The following TMPRSS9 variants were observed in gnomAD, a reference collection of about 807,000 sequenced individuals.
TMPRSS9 encodes the protein transmembrane protease serine 9.
TMPRSS9 carries 113 observed loss-of-function variants against 111.4 expected under a neutral mutation model. The ratio of observed to expected loss-of-function variants is 1.01; its 90% CI spans 0.87 to 1.19. The LOEUF is 1.19. Among genes scored for constraint, TMPRSS9 ranks in the 50% most tolerant of loss-of-function variants. The pLI, the probability that TMPRSS9 is intolerant of heterozygous loss-of-function variation, is 0.00. For synonymous variants in TMPRSS9, 805 were observed against 659.1 expected, an observed-to-expected ratio of 1.22 and a Z score of -3.39; for missense variants, 1,803 against 1,513.1, an observed-to-expected ratio of 1.19 and a Z score of -3.18.
exon 14 of TMPRSS9, chr19:2,422,047 G>C (rs1179308129): frequency 1.2e-6 from 2 of 1,612,382 alleles, no homozygotes; most frequent in Non-Finnish European, 1.7e-6. Flanking sequence ...TCGACCACAA[G>C]GATGCTGGCC....
At chr19:2,410,359 G>C (rs202191315) in exon 9 of TMPRSS9, 1 of 1,613,880 alleles carries the variant, frequency 6.2e-7, no homozygotes, top group African/African-American at 1.3e-5. Context: ...GATGGTGTGC[G>C]CTGGCTACCT....
At chr19:2,409,297 C>T (rs998487290) in intron 8 of TMPRSS9, among the ~76,000 whole-genome samples, 11 of 151,510 alleles carry the variant, frequency 7.3e-5, no homozygotes, top group African/African-American at 2.7e-4. Context: ...CACCACCACA[C>T]CCGGCAACTT....
At chr19:2,398,732 T>C (rs1305112406) in intron 2 of TMPRSS9, 63 bp from the exon 4 acceptor site, 1 of 1,215,020 alleles carries the variant, frequency 8.2e-7, no homozygotes, top group Admixed American at 2.3e-5. Context: ...CTGACAGGCC[T>C]CTGCAGTGCC....
intron 1 of TMPRSS9, among the ~76,000 whole-genome samples, chr19:2,391,053 G>GAGGC (rs1474403299): frequency 7.8e-6 from 1 of 128,304 alleles, no homozygotes; most frequent in Non-Finnish European, 1.6e-5. Context: ...GGGAGGGAGG[G>GAGGC]AGGCAGGCAG....
intron 1 of TMPRSS9, among the ~76,000 whole-genome samples, chr19:2,361,849 G>A (rs1461688693): frequency 6.6e-6 from 1 of 152,024 alleles, no homozygotes; most frequent in Non-Finnish European, 1.5e-5. Flanking sequence ...AACACCTTGT[G>A]GGCCGCGTGG....
chr19:2,411,782 C>G (rs1235270556), intron 9 of TMPRSS9, among the ~76,000 whole-genome samples: 1 of 152,114 alleles, frequency 6.6e-6, no homozygotes, highest in Non-Finnish European at 1.5e-5. Flanking sequence ...GAAATCCTGG[C>G]TTCAGGTGAT....
At chr19:2,411,432 C>G (rs991432243) in intron 9 of TMPRSS9, among the ~76,000 whole-genome samples, 2 of 129,614 alleles carry the variant, frequency 1.5e-5, no homozygotes, top group African/African-American at 3.0e-5. Context: ...GAGTCTCACT[C>G]TGTCACCCAG....
intron 1 of TMPRSS9, among the ~76,000 whole-genome samples, chr19:2,363,803 T>TGCGC (rs202104945): frequency 1.7e-5 from 2 of 116,572 alleles, no homozygotes; most frequent in East Asian, 3.1e-4. Context: ...TGTGTGTGTG[T>TGCGC]GCGTGCGCGC....
chr19:2,416,311 AG>A, intron 11 of TMPRSS9: 1 of 582,166 alleles, frequency 1.7e-6, no homozygotes, highest in Non-Finnish European at 3.0e-6. Context: ...ATGAAGCCTG[AG>A]GGTCCCCTGA....
intron 1 of TMPRSS9, among the ~76,000 whole-genome samples, chr19:2,380,019 T>C (rs989477710): frequency 6.6e-6 from 1 of 152,094 alleles, no homozygotes; most frequent in Non-Finnish European, 1.5e-5. Context: ...CCCATGGTGC[T>C]GGGATTACAG....
intron 1 of TMPRSS9, among the ~76,000 whole-genome samples, chr19:2,381,880 T>A (rs1013767485): frequency 5.3e-5 from 8 of 152,224 alleles, no homozygotes; most frequent in Non-Finnish European, 1.2e-4. Flanking sequence ...TCTCGCTCTG[T>A]CGCCCAGGCT....
intron 5 of TMPRSS9, 90 bp from the exon 7 acceptor site, chr19:2,402,992 T>G (rs1970884060): frequency 4.5e-6 from 4 of 893,238 alleles, no homozygotes; most frequent in East Asian, 2.6e-5. Context: ...CACATTTCCG[T>G]ACCCTGGTGG....
chr19:2,395,702 C>T (rs1250737510), intron 1 of TMPRSS9, among the ~76,000 whole-genome samples: 1 of 150,896 alleles, frequency 6.6e-6, no homozygotes, highest in Non-Finnish European at 1.5e-5. Flanking sequence ...GCAACAAGAG[C>T]AAAACTCTGT....
intron 4 of TMPRSS9, among the ~76,000 whole-genome samples, chr19:2,401,421 C>T (rs1015771517): frequency 2.0e-5 from 3 of 152,102 alleles, no homozygotes; most frequent in Non-Finnish European, 4.4e-5. Flanking sequence ...AGGCCTTGTG[C>T]AGTTTGGTGG....
intron 13 of TMPRSS9, among the ~76,000 whole-genome samples, chr19:2,419,352 C>T (rs549601869): frequency 6.3e-5 from 9 of 143,430 alleles, no homozygotes; most frequent in South Asian, 2.2e-4. Context: ...TATAGGCGCC[C>T]GCCACCATGC....
At chr19:2,367,319 T>C (rs1330214730) in intron 1 of TMPRSS9, among the ~76,000 whole-genome samples, 1 of 152,288 alleles carries the variant, frequency 6.6e-6, no homozygotes, top group Admixed American at 6.5e-5. Flanking sequence ...ACCAGTCTCA[T>C]AGGAGAAATG....
At chr19:2,397,005 C>T (rs1035368670) in intron 2 of TMPRSS9, among the ~76,000 whole-genome samples, 5 of 152,030 alleles carry the variant, frequency 3.3e-5, no homozygotes, top group African/African-American at 1.2e-4. Flanking sequence ...ACTGCAAGCT[C>T]CGCTGCTCAG....
At chr19:2,403,257 C>T in intron 6 of TMPRSS9, 62 bp downstream of exon 7, 2 of 1,381,956 alleles carry the variant, frequency 1.4e-6, no homozygotes, top group Non-Finnish European at 2.0e-6. Context: ...CAGCTGCTGG[C>T]TCTGGTCTGT....
At chr19:2,403,965 C>G (rs1475901099) in intron 6 of TMPRSS9, among the ~76,000 whole-genome samples, 2 of 146,396 alleles carry the variant, frequency 1.4e-5, no homozygotes, top group African/African-American at 5.1e-5. Context: ...TGCACTCCAG[C>G]CTGGCAACAG....
Sources: allele counts gnomAD v4.1 joint callset (sites outside exome capture counted in the v4.1 genomes callset), GRCh38; gene constraint gnomAD v4.1.1; transcripts MANE v1.5; gene names NCBI Gene and HGNC (gene_info 2026-07-23, HGNC 2026-07-21).